DPP6: variants seen among roughly 807,000 people sequenced by gnomAD.
The protein encoded by DPP6 is A-type potassium channel modulatory protein DPP6.
A neutral mutation model predicts 122.6 loss-of-function variants in DPP6; 69 were observed. The observed-to-expected ratio is 0.56, with a 90% CI of 0.46 to 0.69. The LOEUF (loss-of-function observed/expected upper bound fraction) is 0.69. Among genes scored for constraint, DPP6 ranks in the 30% least tolerant of loss-of-function variants. DPP6 has a pLI of 0.00. For synonymous variants in DPP6, 418 were observed against 433.1 expected (o/e 0.97, Z 0.43); for missense variants, 928 against 1,116.9 (o/e 0.83, Z 2.41).
intron 1 of DPP6, among the ~76,000 whole-genome samples, chr7:153,923,806 G>A (rs1800762420): frequency 6.6e-6 from 1 of 151,300 alleles, no homozygotes; most frequent in African/African-American, 2.4e-5. Context: ...TCTTAGCGGG[G>A]AGGATCTGAA....
rs1806749710 is a variant in DPP6, at chr7:154,892,944, T to C, written c.*464T>C. The C allele has an allele frequency of 1.9e-6, 1 of 520,700 alleles. No individual in the cohort carries two copies. Among genetic ancestry groups the C allele is most frequent in the Non-Finnish European group, 3.8e-6 (1 of 261,164 alleles). The allele number at this position is 520,700 out of a possible 1,614,324, so 32.3% of individuals were successfully genotyped here. ...CGCAGCAGTTACAGCACCATTGTTT[T>C]AGCAGTGCGTGTTCATATATGGGCT... On this transcript the variant is annotated 3_prime_UTR_variant, in exon 26 of 26. Coordinates refer to ENST00000377770, the MANE Select transcript of DPP6 (RefSeq NM_130797.4).
intron 17 of DPP6, among the ~76,000 whole-genome samples, chr7:154,856,723 G>A (rs982622620): frequency 2.6e-5 from 4 of 152,180 alleles, no homozygotes; most frequent in African/African-American, 7.2e-5. Context: ...ATCCATATCC[G>A]TTGCGGAGCT....
At chr7:154,744,307 C>T (rs1464159107) in intron 8 of DPP6, among the ~76,000 whole-genome samples, 1 of 152,198 alleles carries the variant, frequency 6.6e-6, no homozygotes, top group East Asian at 1.9e-4. Flanking sequence ...ACGTCAGCAG[C>T]CAGTAAAGCT....
chr7:154,229,547 C>T (rs1800794861), intron 1 of DPP6, among the ~76,000 whole-genome samples: 1 of 152,206 alleles, frequency 6.6e-6, no homozygotes, highest in Non-Finnish European at 1.5e-5. Flanking sequence ...TGTTTTTCCT[C>T]ACAAATTGAT....
At chr7:154,432,291 A>G (rs537272685) in intron 1 of DPP6, among the ~76,000 whole-genome samples, 1 of 152,316 alleles carries the variant, frequency 6.6e-6, no homozygotes, top group Non-Finnish European at 1.5e-5. Flanking sequence ...TCATGCTGCT[A>G]TGTTACAAGA....
the DPP6 span, among the ~76,000 whole-genome samples, chr7:153,824,701 A>C: frequency 1.5e-5 from 2 of 129,216 alleles, no homozygotes; most frequent in Admixed American, 7.4e-5. Context: ...ACATAAAAAT[A>C]AAAAAAAAAA....
At chr7:154,524,239 G>T (rs550597151) in intron 3 of DPP6, among the ~76,000 whole-genome samples, 56 of 152,182 alleles carry the variant, frequency 3.7e-4, no homozygotes, top group Non-Finnish European at 6.6e-4. Flanking sequence ...CTATTGACTT[G>T]TGCTTTCTAA....
chr7:153,890,886 C>T (rs1234897219), intron 1 of DPP6, among the ~76,000 whole-genome samples: 8 of 141,712 alleles, frequency 5.6e-5, no homozygotes, highest in Admixed American at 7.3e-5. Context: ...TTAGTAGAGA[C>T]GGGGTTTCAT....
chr7:154,806,735 G>A (rs1314266060), intron 15 of DPP6, among the ~76,000 whole-genome samples: 5 of 152,198 alleles, frequency 3.3e-5, no homozygotes, highest in African/African-American at 9.6e-5. Flanking sequence ...GGCAGCATAG[G>A]TGACTGCCTT....
chr7:154,113,951 A>G (rs1035623929), intron 1 of DPP6, among the ~76,000 whole-genome samples: 7 of 152,236 alleles, frequency 4.6e-5, no homozygotes, highest in Admixed American at 3.9e-4. Flanking sequence ...TCTATTCAGC[A>G]TAGTAGTGGA....
chr7:154,127,626 C>CAG lies in DPP6; in HGVS notation c.243+74564_243+74565insGA, dbSNP rs1431431491. On this transcript the variant is annotated intron_variant, in intron 1 of 25. Coordinates refer to ENST00000377770, the MANE Select transcript of DPP6 (RefSeq NM_130797.4). ...ACACACACACACACACACACACACA[C>CAG]ACACACAGACACACACACACACACA... Among the ~76,000 whole-genome samples the CAG allele has an allele frequency of 1.3e-3, 140 of 110,206 alleles. 1 individual carries two copies. The highest frequency in any genetic ancestry group is 5.7e-3 in the African/African-American group (135 of 23,860). 72.3% of individuals were successfully genotyped at this position (110,206 alleles called of 152,430 possible). A position where few individuals can be genotyped will look rare whatever the true frequency, so the allele number is the denominator to read the frequency against.
Position 154,023,318 on chromosome 7 carries a change from G to GCACGCGCACGCACACACACA in DPP6, c.51+135587_51+135588insGCGCACGCACACACACACAC, listed in dbSNP as rs373378162. On this transcript the variant is annotated intron_variant, in intron 1 of 25. Coordinates refer to the DPP6 transcript ENST00000404039. The stretch of plus-strand genomic sequence containing the variant: ...CAGGCTCTGGAAATGTTTCTTGTCT[G>GCACGCGCACGCACACACACA]CACACACACACACACACACACACAC... Among the ~76,000 whole-genome samples the GCACGCGCACGCACACACACA allele has an allele frequency of 5.8e-4, 75 of 129,612 alleles. 1 individual carries two copies. The highest frequency in any genetic ancestry group is 2.3e-3 in the African/African-American group (72 of 31,172). 85.0% of individuals were successfully genotyped at this position (129,612 alleles called of 152,430 possible). A position where few individuals can be genotyped will look rare whatever the true frequency, so the allele number is the denominator to read the frequency against.
At chr7:153,970,313 G>A (rs1563061216) in intron 1 of DPP6, among the ~76,000 whole-genome samples, 1 of 152,106 alleles carries the variant, frequency 6.6e-6, no homozygotes, top group African/African-American at 2.4e-5. Flanking sequence ...ACTGACAAAA[G>A]GATCACCCAG....
chr7:153,862,794 T>C, the DPP6 span, among the ~76,000 whole-genome samples: 1 of 152,114 alleles, frequency 6.6e-6, no homozygotes, highest in South Asian at 2.1e-4. Context: ...TTGAAATATA[T>C]TTATAAAAAT....
intron 1 of DPP6, among the ~76,000 whole-genome samples, chr7:154,060,344 C>T: frequency 7.5e-6 from 1 of 134,102 alleles, no homozygotes; most frequent in Admixed American, 7.1e-5. Flanking sequence ...GAGGCACCCC[C>T]CGCGAGGCAG....
At chr7:154,623,085 C>T (rs1039041534) in intron 5 of DPP6, among the ~76,000 whole-genome samples, 3 of 152,168 alleles carry the variant, frequency 2.0e-5, no homozygotes, top group Non-Finnish European at 4.4e-5. Flanking sequence ...GGCACTGAGC[C>T]TCATCAGTGG....
intron 1 of DPP6, among the ~76,000 whole-genome samples, chr7:154,168,220 G>C (rs913192957): frequency 6.6e-6 from 1 of 152,120 alleles, no homozygotes; most frequent in African/African-American, 2.4e-5. Context: ...CCAGACAGAC[G>C]AGAGGGAAAA....
intron 1 of DPP6, among the ~76,000 whole-genome samples, chr7:154,359,219 T>C (rs530705097): frequency 1.0e-3 from 159 of 152,274 alleles, no homozygotes; most frequent in African/African-American, 3.7e-3. Context: ...TTTCGGGTGG[T>C]CTGTCTCCAT....
chr7:153,965,201 T>C (rs923849393), intron 1 of DPP6, among the ~76,000 whole-genome samples: 3 of 152,040 alleles, frequency 2.0e-5, no homozygotes, highest in African/African-American at 7.3e-5. Context: ...TTTTCTGAAA[T>C]AATCGAGAGC....
Sources: allele counts gnomAD v4.1 joint callset (sites outside exome capture counted in the v4.1 genomes callset), GRCh38; gene constraint gnomAD v4.1.1; transcripts MANE v1.5; gene names NCBI Gene and HGNC (gene_info 2026-07-23, HGNC 2026-07-21).